GALNT10: variants seen among roughly 807,000 people sequenced by gnomAD.
GALNT10 encodes GalNAc transferase 10.
In GALNT10, 41 loss-of-function variants were observed where a neutral mutation model predicts 75.0. That is an observed-to-expected ratio of 0.55 (90% CI 0.43 to 0.71). The LOEUF (loss-of-function observed/expected upper bound fraction) is 0.71. Ranked by LOEUF, GALNT10 falls within the 30% of genes least tolerant of loss-of-function variation. GALNT10 has a pLI of 0.00. For missense variants in GALNT10, 727 were observed against 818.5 expected (o/e 0.89, Z 1.36); for synonymous variants, 302 against 313.0 (o/e 0.96, Z 0.37).
chr5:154,244,780 G>A (rs1753395164), intron 1 of GALNT10, among the ~76,000 whole-genome samples: 1 of 152,196 alleles, frequency 6.6e-6, no homozygotes, highest in Admixed American at 6.5e-5. Context: ...TCTCAAGGAG[G>A]TATCACTGCT....
At chr5:154,327,414 T>C (rs1166426953) in intron 3 of GALNT10, among the ~76,000 whole-genome samples, 2 of 152,130 alleles carry the variant, frequency 1.3e-5, no homozygotes, top group African/African-American at 4.8e-5. Context: ...GAGTTAAGCC[T>C]GGGGAATATT....
At chr5:154,208,153 G>T (rs189154588) in intron 1 of GALNT10, among the ~76,000 whole-genome samples, 3 of 152,274 alleles carry the variant, frequency 2.0e-5, no homozygotes, top group Admixed American at 2.0e-4. Flanking sequence ...GTTTTTGACT[G>T]AACACTGCAC....
At chr5:154,230,515 C>A (rs1753132861) in intron 1 of GALNT10, among the ~76,000 whole-genome samples, 1 of 152,120 alleles carries the variant, frequency 6.6e-6, no homozygotes, top group Non-Finnish European at 1.5e-5. Flanking sequence ...TTCAAGGCCC[C>A]AAATCTGCAC....
chr5:154,274,889 A>G lies in GALNT10; in HGVS notation c.160-19927A>G, dbSNP rs551390130. On this transcript the variant is annotated intron_variant, in intron 1 of 11. Coordinates refer to ENST00000297107, the MANE Select transcript of GALNT10 (RefSeq NM_198321.4). ...GGTAGCAGCTGCCCCTCACATGGGC[A>G]TGCATGCACTCGCCTCTCCCCCAGC... Among the ~76,000 whole-genome samples, 21 of 152,254 alleles carry G rather than the reference A, an allele frequency of 1.4e-4. 1 individual carries two copies. Among genetic ancestry groups the G allele is most frequent in the African/African-American group, 5.1e-4 (21 of 41,550 alleles).
chr5:154,276,907 G>T (rs1214360893), intron 1 of GALNT10, among the ~76,000 whole-genome samples: 1 of 152,102 alleles, frequency 6.6e-6, no homozygotes, highest in East Asian at 1.9e-4. Flanking sequence ...AAAAAATGAG[G>T]TGGGAGGACA....
At chr5:154,389,978 C>A (rs1051997283) in intron 7 of GALNT10, among the ~76,000 whole-genome samples, 1 of 152,140 alleles carries the variant, frequency 6.6e-6, no homozygotes, top group African/African-American at 2.4e-5. Context: ...AACATATTTT[C>A]CAAGAAAAGG....
At chr5:154,400,383 T>C (rs1756134456) in intron 7 of GALNT10, among the ~76,000 whole-genome samples, 1 of 151,822 alleles carries the variant, frequency 6.6e-6, no homozygotes, top group Non-Finnish European at 1.5e-5. Flanking sequence ...ACTTTGTTCT[T>C]CCCCCCAGAG....
chr5:154,245,808 CT>C (rs3048584), intron 1 of GALNT10, among the ~76,000 whole-genome samples: 3,347 of 141,158 alleles, frequency 0.024, 83 homozygotes, highest in African/African-American at 0.074. Flanking sequence ...ATCTTAAGCG[CT>C]TTTTTTTTTT....
intron 1 of GALNT10, among the ~76,000 whole-genome samples, chr5:154,225,776 G>A (rs1006106929): frequency 6.6e-6 from 1 of 152,082 alleles, no homozygotes; most frequent in African/African-American, 2.4e-5. Context: ...ACCTTTCTAT[G>A]TTCCTTTTCC....
chr5:154,206,232 T>G lies in GALNT10; in HGVS notation c.159+15207T>G, dbSNP rs1235372600. Among the ~76,000 whole-genome samples, 3 of 152,242 alleles carry G rather than the reference T, an allele frequency of 2.0e-5. No individual in the cohort carries two copies. In the East Asian group the frequency reaches 5.8e-4, roughly 29 times the overall value. On this transcript the variant is annotated intron_variant, in intron 1 of 11. Coordinates refer to ENST00000297107, the MANE Select transcript of GALNT10 (RefSeq NM_198321.4). ...CTTTAACTAAAGCCACTCTGCTTAT[T>G]AAGAGATCAACCTGTTAAAAAAAAC...
intron 1 of GALNT10, among the ~76,000 whole-genome samples, chr5:154,250,634 T>C (rs939187726): frequency 6.6e-6 from 1 of 152,018 alleles, no homozygotes; most frequent in African/African-American, 2.4e-5. Context: ...CTGGACAAAA[T>C]CAGAGTTCTG....
chr5:154,297,975 C>A lies in GALNT10; in HGVS notation c.297C>A (p.Thr99=). The A allele has an allele frequency of 6.2e-7, 1 of 1,613,648 alleles. No homozygotes were observed. The highest frequency in any genetic ancestry group is 1.3e-5 in the African/African-American group (1 of 74,998). ...NGEQGRPYPM[T]DAERVDQAYR... is the part of the protein sequence containing the mutation. ...AACAAGGAAGACCTTACCCCATGAC[C>A]GATGCTGAGAGAGTGGATCAGGCAT... is the stretch of plus-strand genomic sequence containing the variant. The change falls in exon 3 of 12, where the codon ACC becomes ACA. Residue 99 remains threonine (T), a synonymous_variant. Coordinates refer to ENST00000297107, the MANE Select transcript of GALNT10 (RefSeq NM_198321.4).
rs557233552 is a variant in GALNT10, at chr5:154,344,372, C to T, written c.568+14634C>T. 1.0e-3 allele frequency among the ~76,000 whole-genome samples: 157 copies of T among 151,880 alleles called. 1 individual carries two copies. Among genetic ancestry groups the T allele is most frequent in the African/African-American group, 3.2e-3 (131 of 41,416 alleles). ...GATTACAGGCGCGCACCACCATGCC[C>T]GGCTAATTTTTGCATTTTTAATAGA... On this transcript the variant is annotated intron_variant, in intron 4 of 11. Coordinates refer to ENST00000297107, the MANE Select transcript of GALNT10 (RefSeq NM_198321.4).
intron 1 of GALNT10, among the ~76,000 whole-genome samples, chr5:154,271,391 C>T (rs1308390528): frequency 6.6e-6 from 1 of 152,040 alleles, no homozygotes; most frequent in South Asian, 2.1e-4. Flanking sequence ...GCTTGAACCC[C>T]AGAGGGAGAG....
At chr5:154,294,976 TTGTGTGTGTGTGTGTGTGTG>T (rs70978534) in intron 2 of GALNT10, 58 bp downstream of exon 2, 81 of 610,462 alleles carry the variant, frequency 1.3e-4, no homozygotes, top group African/African-American at 1.3e-3. Flanking sequence ...GCACATATGC[TTGTGTGTGTGTGTGTGTGTG>T]TGTGTGTGTG....
Position 154,412,584 on chromosome 5 carries a change from C to G in GALNT10, c.1387-305C>G. The G allele has an allele frequency of 3.2e-6, 1 of 315,274 alleles. No individual in the cohort carries two copies. Among genetic ancestry groups the G allele is most frequent in the South Asian group, 3.0e-5 (1 of 33,824 alleles). 19.5% of individuals were successfully genotyped at this position (315,274 alleles called of 1,614,324 possible). On this transcript the variant is annotated intron_variant, in intron 9 of 11. Transcript: ENST00000297107. This position sits in a 1 kb window ranked among gnomAD's most constrained non-coding sequence, Gnocchi z 4.2. ...TCCTGGACCTGTCGGTTCAATTTCT[C>G]CAGGAGTAGGGCCAGGGAGTCCTTT...
intron 1 of GALNT10, among the ~76,000 whole-genome samples, chr5:154,216,791 G>T (rs959696547): frequency 6.6e-6 from 1 of 151,932 alleles, no homozygotes; most frequent in Non-Finnish European, 1.5e-5. Flanking sequence ...TAACAAGATC[G>T]TATTTGCACA....
chr5:154,348,907 G>A (rs771151808), intron 4 of GALNT10, among the ~76,000 whole-genome samples: 2 of 152,112 alleles, frequency 1.3e-5, no homozygotes, highest in Non-Finnish European at 2.9e-5. Flanking sequence ...CACCTCCAGT[G>A]TGTCTGTCCC....
chr5:154,355,568 C>T (rs570736845), intron 4 of GALNT10, among the ~76,000 whole-genome samples: 1 of 152,334 alleles, frequency 6.6e-6, no homozygotes, highest in African/African-American at 2.4e-5. Context: ...GATGTCAGCA[C>T]TCGCCAAAAA....
Sources: allele counts gnomAD v4.1 joint callset (sites outside exome capture counted in the v4.1 genomes callset), GRCh38; gene constraint gnomAD v4.1.1; non-coding constraint Gnocchi (gnomAD v3.1); transcripts MANE v1.5; gene names NCBI Gene and HGNC (gene_info 2026-07-23, HGNC 2026-07-21).